The following TBC1D19 variants were observed in gnomAD, a reference collection of about 807,000 sequenced individuals.
The protein encoded by TBC1D19 is TBC1 domain family, member 19.
In TBC1D19, 60 loss-of-function variants were observed where a neutral mutation model predicts 89.0. The ratio of observed to expected loss-of-function variants is 0.67; its 90% CI spans 0.55 to 0.84. The LOEUF is 0.84. TBC1D19 is among the 40% of genes least tolerant of loss of function. TBC1D19 has a pLI of 0.00. For synonymous variants in TBC1D19, 189 were observed against 199.7 expected (o/e 0.95, Z 0.45); for missense variants, 500 against 610.8 (o/e 0.82, Z 1.91).
chr4:26,683,595 A>G, intron 11 of TBC1D19, 80 bp from the exon 12 acceptor site: 2 of 1,133,008 alleles, frequency 1.8e-6, no homozygotes, highest in South Asian at 2.7e-5. Flanking sequence ...AGTGTTTAGA[A>G]TACTATTATT....
At chr4:26,694,544 A>G (rs1293755022) in intron 13 of TBC1D19, among the ~76,000 whole-genome samples, 1 of 152,162 alleles carries the variant, frequency 6.6e-6, no homozygotes. Context: ...CTTGAAGAGC[A>G]GTGGTTCTCC....
chr4:26,856,532 A>G, the TBC1D19 span, among the ~76,000 whole-genome samples: 1 of 152,172 alleles, frequency 6.6e-6, no homozygotes, highest in African/African-American at 2.4e-5. Flanking sequence ...TTCTATTCCT[A>G]GTTTTTTAGG....
intron 13 of TBC1D19, among the ~76,000 whole-genome samples, chr4:26,694,401 G>A (rs1714581510): frequency 6.6e-6 from 1 of 152,222 alleles, no homozygotes; most frequent in Non-Finnish European, 1.5e-5. Context: ...TGACTAGGAA[G>A]CTCGAACTGG....
At chr4:26,647,361 A>G (rs1021277431) in intron 7 of TBC1D19, among the ~76,000 whole-genome samples, 2 of 152,170 alleles carry the variant, frequency 1.3e-5, no homozygotes, top group African/African-American at 4.8e-5. Context: ...ATTTTAATTC[A>G]TACGTTTGAT....
At chr4:26,829,493 A>G in the TBC1D19 span, among the ~76,000 whole-genome samples, 3 of 152,314 alleles carry the variant, frequency 2.0e-5, no homozygotes, top group East Asian at 5.8e-4. Flanking sequence ...CTCCTATTTC[A>G]GGGCCTTTTC....
the TBC1D19 span, among the ~76,000 whole-genome samples, chr4:26,815,998 G>A: frequency 2.0e-5 from 3 of 152,164 alleles, no homozygotes; most frequent in African/African-American, 7.2e-5. Context: ...ATTCAGAGGA[G>A]TTCTCTCCAC....
At chr4:26,807,821 A>G in the TBC1D19 span, among the ~76,000 whole-genome samples, 1 of 152,264 alleles carries the variant, frequency 6.6e-6, no homozygotes. Flanking sequence ...CATAATCATT[A>G]CAGTTGATCT....
intron 13 of TBC1D19, among the ~76,000 whole-genome samples, chr4:26,690,071 G>A (rs1174853686): frequency 6.6e-6 from 1 of 152,158 alleles, no homozygotes; most frequent in African/African-American, 2.4e-5. Flanking sequence ...AAGGAGAACA[G>A]CCTTGTTGCT....
Position 26,748,546 on chromosome 4 carries a change from T to G in TBC1D19, c.1435+20T>G, listed in dbSNP as rs771752289. On this transcript the variant is annotated intron_variant, in intron 19 of 20. Coordinates refer to ENST00000264866, the MANE Select transcript of TBC1D19 (RefSeq NM_018317.4). ...TTGCTGGTAAGAGTAAATGCTTGTT[T>G]GTAGAACACATGCTGTTTCTATAAT... 4 of 1,537,082 alleles carry G rather than the reference T, an allele frequency of 2.6e-6. No homozygotes were observed. The South Asian group carries it at 3.4e-5, about 13-fold the overall frequency.
intron 18 of TBC1D19, among the ~76,000 whole-genome samples, chr4:26,742,919 C>T (rs1718453764): frequency 6.6e-6 from 1 of 152,044 alleles, no homozygotes; most frequent in South Asian, 2.1e-4. Context: ...CAAATACTAC[C>T]TGAGAAACAT....
chr4:26,772,712 C>A, the TBC1D19 span, among the ~76,000 whole-genome samples: 1 of 152,054 alleles, frequency 6.6e-6, no homozygotes, highest in Non-Finnish European at 1.5e-5. Flanking sequence ...TTAGAACATG[C>A]GGTGTTTGGT....
In TBC1D19 at chr4:26,721,388, C is replaced by A. The variant is rs1716965328; in HGVS notation, c.1084+1263C>A. Among the ~76,000 whole-genome samples, 3 of 151,954 alleles carry A rather than the reference C, an allele frequency of 2.0e-5. No individual in the cohort carries two copies. The South Asian group carries it at 6.2e-4, about 32-fold the overall frequency. On this transcript the variant is annotated intron_variant, in intron 15 of 20. Coordinates refer to ENST00000264866, the MANE Select transcript of TBC1D19 (RefSeq NM_018317.4). The stretch of plus-strand genomic sequence containing the variant: ...ATCCTAGATTTCTCTCCACCTTGTC[C>A]CCAACTCATCTAATAAGTCGCGAGG...
chr4:26,848,285 C>T, the TBC1D19 span, among the ~76,000 whole-genome samples: 24,392 of 152,152 alleles, frequency 0.16, 2,336 homozygotes, highest in East Asian at 0.42. Flanking sequence ...TTTTCTTCTG[C>T]CCTCAGACTA....
chr4:26,746,410 G>C lies in TBC1D19; in HGVS notation c.1320-2001G>C, dbSNP rs1039921658. On this transcript the variant is annotated intron_variant, in intron 18 of 20. Coordinates refer to ENST00000264866, the MANE Select transcript of TBC1D19 (RefSeq NM_018317.4). ...TCCTTTTTCTGTATTGTGTAGATTG[G>C]ACATTTTCTACTGATCTATAGTCAA... Among the ~76,000 whole-genome samples, 5 of 150,408 alleles carry C rather than the reference G, an allele frequency of 3.3e-5. No individual in the cohort carries two copies. In the East Asian group the frequency reaches 9.8e-4, roughly 30 times the overall value.
chr4:26,635,574 G>A (rs554561586), intron 4 of TBC1D19, among the ~76,000 whole-genome samples: 2 of 152,102 alleles, frequency 1.3e-5, no homozygotes, highest in Admixed American at 1.3e-4. Context: ...CACATAGCTC[G>A]ATATTTATTC....
intron 19 of TBC1D19, among the ~76,000 whole-genome samples, chr4:26,750,867 A>G (rs1718912845): frequency 6.6e-6 from 1 of 152,322 alleles, no homozygotes; most frequent in South Asian, 2.1e-4. Flanking sequence ...GTATTTTGGA[A>G]TCACCTTTTT....
At chr4:26,807,290 G>T in the TBC1D19 span, among the ~76,000 whole-genome samples, 1 of 152,036 alleles carries the variant, frequency 6.6e-6, no homozygotes, top group Non-Finnish European at 1.5e-5. Context: ...CTCCATAGCC[G>T]CCACCCGCAA....
downstream of TBC1D19, among the ~76,000 whole-genome samples, chr4:26,759,425 T>G (rs1427301724): frequency 6.6e-6 from 1 of 152,224 alleles, no homozygotes; most frequent in Non-Finnish European, 1.5e-5. Flanking sequence ...ACTCTTTTTT[T>G]TCATTTAAGT....
chr4:26,834,131 C>T, the TBC1D19 span, among the ~76,000 whole-genome samples: 6 of 152,310 alleles, frequency 3.9e-5, no homozygotes, highest in South Asian at 1.2e-3. Context: ...GTAGGATGTG[C>T]CTGCTTCCCC....
Sources: allele counts gnomAD v4.1 joint callset (sites outside exome capture counted in the v4.1 genomes callset), GRCh38; gene constraint gnomAD v4.1.1; transcripts MANE v1.5; gene names NCBI Gene and HGNC (gene_info 2026-07-23, HGNC 2026-07-21).